Variants in PIWIL1 observed in about 807,000 individuals in gnomAD.
PIWIL1 encodes the protein piwi-like protein 1.
In PIWIL1, 73 loss-of-function variants were observed where a neutral mutation model predicts 114.4. The ratio of observed to expected loss-of-function variants is 0.64; its 90% CI spans 0.53 to 0.78. The LOEUF is 0.78. Among genes scored for constraint, PIWIL1 ranks in the 30% least tolerant of loss-of-function variants. PIWIL1 has a pLI of 0.00. For missense variants in PIWIL1, 723 were observed against 1,063.1 expected, an observed-to-expected ratio of 0.68 and a Z score of 4.45; for synonymous variants, 375 against 369.0, an observed-to-expected ratio of 1.02 and a Z score of -0.19.
downstream of PIWIL1, among the ~76,000 whole-genome samples, chr12:130,374,896 C>T (rs112562697): frequency 1.9e-3 from 290 of 152,300 alleles, 1 homozygote; most frequent in African/African-American, 6.5e-3. Context: ...CTTTACATCT[C>T]CCTTTAACAA....
intron 1 of PIWIL1, chr12:130,342,189 T>A (rs2072939090): frequency 5.2e-6 from 1 of 193,784 alleles, no homozygotes; most frequent in South Asian, 1.1e-4. Context: ...TGTGTGTGTG[T>A]GTCTGTGTAT....
At chr12:130,406,291 A>T in the PIWIL1 span, 11 of 1,299,054 alleles carry the variant, frequency 8.5e-6, no homozygotes. Flanking sequence ...ACACAACAGT[A>T]GTAGTTTTTT....
chr12:130,398,678 A>G, the PIWIL1 span: 1 of 152,570 alleles, frequency 6.6e-6, no homozygotes, highest in Non-Finnish European at 1.5e-5. Context: ...TTCAGAGCCA[A>G]CACTCGATCA....
chr12:130,348,265 A>G (rs2073123999), intron 7 of PIWIL1, 82 bp downstream of exon 7: 1 of 756,428 alleles, frequency 1.3e-6, no homozygotes, highest in African/African-American at 1.7e-5. Context: ...AAATGGTCAA[A>G]TTTACTACAG....
chr12:130,361,505 T>C lies in PIWIL1; in HGVS notation c.1874T>C (p.Leu625Pro). Reference sequence around the variant, plus strand: ...ACCATATTTGTATTGAAGCTGAAGCTCGTGATGATCGTTGGCATCGATTGT... The same window carrying C: ...ACCATATTTGTATTGAAGCTGAAGCCCGTGATGATCGTTGGCATCGATTGT... ...ELWRVDIPLKLVMIVGIDCYH... is the reference protein window; with the variant it reads ...ELWRVDIPLKPVMIVGIDCYH... The change falls in exon 16 of 21, where the codon CTC (leucine) becomes CCC (proline). Residue 625 changes from leucine to proline, a missense_variant. Around this residue, in one of 8 missense-constraint regions of PIWIL1, gnomAD observed 298 missense variants for 420.8 expected, o/e 0.71. Transcript: ENST00000245255. 1 of 1,614,162 alleles carries C rather than the reference T, an allele frequency of 6.2e-7. No individual in the cohort carries two copies. Among genetic ancestry groups the C allele is most frequent in the Non-Finnish European group, 8.5e-7 (1 of 1,180,004 alleles).
the PIWIL1 span, among the ~76,000 whole-genome samples, chr12:130,392,903 G>A: frequency 0.021 from 1,051 of 50,132 alleles, 110 homozygotes; most frequent in African/African-American, 0.15. Context: ...TGATGACCCG[G>A]TCACCGTCAT....
intron 2 of PIWIL1, 42 bp from the exon 3 acceptor site, chr12:130,342,948 C>G: frequency 6.9e-7 from 1 of 1,456,004 alleles, no homozygotes; most frequent in South Asian, 1.1e-5. Context: ...GGTGTCTGAC[C>G]GCTTGACGAA....
intron 19 of PIWIL1, 61 bp downstream of exon 19, chr12:130,367,319 G>A: frequency 6.9e-7 from 1 of 1,448,576 alleles, no homozygotes; most frequent in Non-Finnish European, 9.3e-7. Context: ...CTTTAGCATG[G>A]CCCCTATGCT....
At chr12:130,360,497 G>A (rs536987387) in intron 14 of PIWIL1, among the ~76,000 whole-genome samples, 1 of 152,252 alleles carries the variant, frequency 6.6e-6, no homozygotes, top group South Asian at 2.1e-4. Flanking sequence ...GCCAGGCATG[G>A]TGGTGCGAAC....
At chr12:130,393,626 T>C in the PIWIL1 span, among the ~76,000 whole-genome samples, 55 of 143,600 alleles carry the variant, frequency 3.8e-4, no homozygotes, top group Non-Finnish European at 7.0e-4. Flanking sequence ...CTGTGATGAA[T>C]AGCTATGATT....
At chr12:130,367,422 C>T (rs2073691284) in intron 19 of PIWIL1, among the ~76,000 whole-genome samples, 164 bp downstream of exon 19, 1 of 152,046 alleles carries the variant, frequency 6.6e-6, no homozygotes. Context: ...TAATAAAGCC[C>T]ATGGTTTCCT....
the PIWIL1 span, among the ~76,000 whole-genome samples, chr12:130,392,368 G>A: frequency 2.2e-4 from 7 of 31,416 alleles, no homozygotes; most frequent in South Asian, 9.6e-4. Context: ...CCCGGTCACC[G>A]TCATCACATG....
chr12:130,398,220 T>G, the PIWIL1 span: 2 of 152,220 alleles, frequency 1.3e-5, no homozygotes, highest in Non-Finnish European at 2.9e-5. Context: ...AGACTTTTAC[T>G]CTAATACGCT....
At chr12:130,416,333 G>C in the PIWIL1 span, among the ~76,000 whole-genome samples, 2 of 152,204 alleles carry the variant, frequency 1.3e-5, no homozygotes, top group East Asian at 3.9e-4. Flanking sequence ...TATACTATAA[G>C]GCTACAGTCA....
Position 130,357,093 on chromosome 12 carries a change from GAA to G in PIWIL1, c.1583_1584del (p.Lys528SerfsTer5). 2 of 1,608,976 alleles carry G rather than the reference GAA, an allele frequency of 1.2e-6. No individual in the cohort carries two copies. Among genetic ancestry groups the G allele is most frequent in the Non-Finnish European group, 1.7e-6 (2 of 1,176,476 alleles). The stretch of plus-strand genomic sequence containing the variant: ...ACACCAGCCATGGGCATGCAAATGA[GAA>G]AAGCAATAATGTAAGTTAATCAAGT... On this transcript the variant is annotated frameshift_variant, in exon 13 of 21. Transcript: ENST00000245255. LOFTEE classifies it high-confidence loss of function.
the PIWIL1 span, chr12:130,412,530 G>A: frequency 1.7e-6 from 2 of 1,188,590 alleles, no homozygotes; most frequent in African/African-American, 3.1e-5. Context: ...TGCAATTTGG[G>A]GTCTCCTCAT....
At chr12:130,340,231 TGA>T (rs2072868414) in intron 1 of PIWIL1, among the ~76,000 whole-genome samples, 2 of 151,826 alleles carry the variant, frequency 1.3e-5, no homozygotes, top group Non-Finnish European at 2.9e-5. Flanking sequence ...CGGTGTAGGG[TGA>T]GTCACGGAAT....
the PIWIL1 span, chr12:130,414,280 G>A: frequency 1.2e-6 from 2 of 1,603,920 alleles, no homozygotes; most frequent in South Asian, 1.1e-5. Flanking sequence ...TAGAAGTCTG[G>A]AGAAAGGCGG....
intron 19 of PIWIL1, 84 bp downstream of exon 19, chr12:130,367,342 A>G: frequency 8.1e-7 from 1 of 1,241,402 alleles, no homozygotes; most frequent in South Asian, 2.1e-5. Flanking sequence ...ACCAATTTTA[A>G]TACATTTTAC....
Sources: allele counts gnomAD v4.1 joint callset (sites outside exome capture counted in the v4.1 genomes callset), GRCh38; gene constraint gnomAD v4.1.1; regional missense constraint gnomAD v4.1.1; transcripts MANE v1.5; gene names NCBI Gene and HGNC (gene_info 2026-07-23, HGNC 2026-07-21).